FBXL7: variants seen among roughly 807,000 people sequenced by gnomAD.
The protein encoded by FBXL7 is F-box and leucine rich repeat protein 7, also known as F-box/LRR-repeat protein 7.
A neutral mutation model predicts 38.3 loss-of-function variants in FBXL7; 12 were observed. The observed-to-expected ratio is 0.31, with a 90% CI of 0.20 to 0.51. FBXL7 has a LOEUF of 0.51. FBXL7 is among the 20% of genes least tolerant of loss of function. The pLI, the probability that FBXL7 is intolerant of heterozygous loss-of-function variation, is 0.98. For synonymous variants in FBXL7, 297 were observed against 300.9 expected (o/e 0.99, Z 0.13); for missense variants, 567 against 676.4 (o/e 0.84, Z 1.79).
At chr5:15,642,751 G>C (rs1016481712) in intron 2 of FBXL7, among the ~76,000 whole-genome samples, 1 of 152,114 alleles carries the variant, frequency 6.6e-6, no homozygotes, top group African/African-American at 2.4e-5. Flanking sequence ...GTGGGAAGAG[G>C]GGAGAAGGAA....
At chr5:15,805,811 A>G (rs1737695715) in intron 2 of FBXL7, among the ~76,000 whole-genome samples, 1 of 152,228 alleles carries the variant, frequency 6.6e-6, no homozygotes, top group Non-Finnish European at 1.5e-5. Context: ...TCTGTTTACA[A>G]TAATAACTTC....
intron 2 of FBXL7, among the ~76,000 whole-genome samples, chr5:15,781,688 G>T (rs941462100): frequency 1.3e-5 from 2 of 152,148 alleles, no homozygotes; most frequent in South Asian, 2.1e-4. Flanking sequence ...TTAATAAAAA[G>T]TACTTTAAAT....
At chr5:15,582,283 G>T (rs1739169898) in intron 1 of FBXL7, among the ~76,000 whole-genome samples, 1 of 152,136 alleles carries the variant, frequency 6.6e-6, no homozygotes, top group South Asian at 2.1e-4. Context: ...AATTGAAGAG[G>T]TACTAGAAGA....
intron 2 of FBXL7, among the ~76,000 whole-genome samples, chr5:15,643,548 G>A (rs1212824622): frequency 6.6e-6 from 1 of 152,182 alleles, no homozygotes; most frequent in Admixed American, 6.5e-5. Context: ...TATGGCCAGG[G>A]TTGGAAATGT....
In FBXL7 at chr5:15,928,143, C is replaced by T. The variant is rs1161314652; in HGVS notation, c.381C>T (p.Ser127=). The T allele has an allele frequency of 6.2e-7, 1 of 1,611,484 alleles. No homozygotes were observed. Among genetic ancestry groups the T allele is most frequent in the Non-Finnish European group, 8.5e-7 (1 of 1,179,236 alleles). The change falls in exon 3 of 4, where the codon TCC becomes TCT. Residue 127 remains serine (S), a synonymous_variant. Coordinates refer to ENST00000504595, the MANE Select transcript of FBXL7 (RefSeq NM_012304.5). This position sits in a 1 kb window ranked among gnomAD's most constrained non-coding sequence, Gnocchi z 4.0. ...LPDHSMVQIF[S]FLPTNQLCRC... is the part of the protein sequence containing the mutation. ...ACCACTCCATGGTGCAGATCTTCTC[C>T]TTCCTGCCCACCAACCAGCTGTGCC...
chr5:15,833,660 G>T (rs1222193015), intron 2 of FBXL7, among the ~76,000 whole-genome samples: 1 of 152,192 alleles, frequency 6.6e-6, no homozygotes, highest in Non-Finnish European at 1.5e-5. Flanking sequence ...AGCTGATGGG[G>T]CAAGGCTTTG....
At chr5:15,575,917 G>A (rs1277199193) in intron 1 of FBXL7, among the ~76,000 whole-genome samples, 1 of 152,004 alleles carries the variant, frequency 6.6e-6, no homozygotes, top group Non-Finnish European at 1.5e-5. Flanking sequence ...TAAATTATTG[G>A]CAATTGACAT....
intron 1 of FBXL7, among the ~76,000 whole-genome samples, chr5:15,613,112 G>A (rs992405507): frequency 3.9e-5 from 6 of 152,114 alleles, no homozygotes; most frequent in Non-Finnish European, 7.4e-5. Context: ...CTACATATTG[G>A]TGTTGCACAA....
In FBXL7 at chr5:15,620,132, G is replaced by A. The variant is rs573405074; in HGVS notation, c.127+4060G>A. On this transcript the variant is annotated intron_variant, in intron 2 of 3. Transcript: ENST00000504595. ...CACAGCTCAGTAAATTTAGTAAAAAGCATTGAATTGTATGCTTAAAAAAGA... is the reference window on the plus strand; with the variant it reads ...CACAGCTCAGTAAATTTAGTAAAAAACATTGAATTGTATGCTTAAAAAAGA... 5.3e-4 allele frequency among the ~76,000 whole-genome samples: 81 copies of A among 152,154 alleles called. No individual in the cohort carries two copies. The South Asian group carries it at 0.016, about 31-fold the overall frequency.
At chr5:15,834,278 A>G (rs974254468) in intron 2 of FBXL7, among the ~76,000 whole-genome samples, 1 of 152,186 alleles carries the variant, frequency 6.6e-6, no homozygotes, top group African/African-American at 2.4e-5. Flanking sequence ...ATTAACTGAA[A>G]GCCTAGATTA....
chr5:15,518,525 C>T (rs2126369707), intron 1 of FBXL7, among the ~76,000 whole-genome samples: 1 of 152,048 alleles, frequency 6.6e-6, no homozygotes, highest in Admixed American at 6.5e-5. Context: ...GGATATAATG[C>T]CTGAAGAGGA....
intron 2 of FBXL7, 88 bp from the exon 3 acceptor site, chr5:15,927,802 A>AT: frequency 2.0e-6 from 2 of 992,126 alleles, no homozygotes; most frequent in East Asian, 2.8e-5. Context: ...AAGAAAGAAA[A>AT]GAAAAGAAAG....
chr5:15,896,909 A>C (rs371319710), intron 2 of FBXL7, among the ~76,000 whole-genome samples: 6 of 152,306 alleles, frequency 3.9e-5, no homozygotes, highest in African/African-American at 1.4e-4. Context: ...TGAGGTGGGC[A>C]GATCACTTGA....
chr5:15,796,808 T>C (rs187793036), intron 2 of FBXL7, among the ~76,000 whole-genome samples: 26 of 152,220 alleles, frequency 1.7e-4, no homozygotes, highest in Non-Finnish European at 2.6e-4. Flanking sequence ...GAGGTATTGA[T>C]TAGGTTGGCC....
At chr5:15,598,816 T>A (rs1739705249) in intron 1 of FBXL7, among the ~76,000 whole-genome samples, 1 of 152,030 alleles carries the variant, frequency 6.6e-6, no homozygotes, top group Non-Finnish European at 1.5e-5. Flanking sequence ...TGAGGATGGG[T>A]CTGTGTTGAT....
chr5:15,778,749 C>T (rs907993678), intron 2 of FBXL7, among the ~76,000 whole-genome samples: 29 of 152,068 alleles, frequency 1.9e-4, no homozygotes, highest in Non-Finnish European at 3.8e-4. Context: ...CCGATGCTCC[C>T]GCTAGCTTTC....
intron 1 of FBXL7, among the ~76,000 whole-genome samples, chr5:15,504,533 T>C (rs1736592529): frequency 6.6e-6 from 1 of 152,216 alleles, no homozygotes; most frequent in Non-Finnish European, 1.5e-5. Context: ...TTTGTTTTCC[T>C]AAGTCCTTAG....
intron 2 of FBXL7, among the ~76,000 whole-genome samples, chr5:15,899,590 T>C (rs1741186041): frequency 2.0e-5 from 3 of 152,124 alleles, no homozygotes; most frequent in Admixed American, 2.0e-4. Flanking sequence ...AAAACCCTAG[T>C]TTTGCCCCAG....
intron 2 of FBXL7, among the ~76,000 whole-genome samples, chr5:15,865,727 A>C (rs1739682445): frequency 6.6e-6 from 1 of 151,808 alleles, no homozygotes; most frequent in Non-Finnish European, 1.5e-5. Flanking sequence ...CTCTCTCCTT[A>C]AAATGCCTTC....
Sources: gnomAD v4.1 joint callset for allele counts (sites outside exome capture counted in the v4.1 genomes callset) on GRCh38, gnomAD v4.1.1 for gene constraint, Gnocchi (gnomAD v3.1) non-coding constraint, MANE v1.5 for transcripts, NCBI Gene and HGNC (gene_info 2026-07-23, HGNC 2026-07-21) for gene names.